Variants in KIAA0825 observed in about 807,000 individuals in gnomAD.
KIAA0825 encodes KIAA0825.
Under a neutral mutation model 147.6 loss-of-function variants are expected in KIAA0825, and 119 were observed. The observed-to-expected ratio is 0.81, with a 90% CI of 0.69 to 0.94. The LOEUF (loss-of-function observed/expected upper bound fraction) is 0.94. Among genes scored for constraint, KIAA0825 ranks in the 40% least tolerant of loss-of-function variants. The pLI is 0.00. For synonymous variants in KIAA0825, 470 were observed against 518.1 expected (o/e 0.91, Z 1.26); for missense variants, 1,381 against 1,472.7 (o/e 0.94, Z 1.02).
chr5:94,254,006 G>C (rs1307277006), intron 20 of KIAA0825, among the ~76,000 whole-genome samples: 2 of 152,138 alleles, frequency 1.3e-5, no homozygotes, highest in Non-Finnish European at 2.9e-5. Context: ...AGACGCGTAA[G>C]AGCCGTTCCT....
At chr5:94,473,218 C>A in intron 8 of KIAA0825, 74 bp downstream of exon 8, 1 of 1,197,980 alleles carries the variant, frequency 8.3e-7, no homozygotes, top group Non-Finnish European at 1.2e-6. Flanking sequence ...TCTACAGGTC[C>A]TTTTTGCAAT....
chr5:94,577,677 AGTT>A (rs1464532753), intron 2 of KIAA0825, among the ~76,000 whole-genome samples: 1 of 152,224 alleles, frequency 6.6e-6, no homozygotes, highest in African/African-American at 2.4e-5. Flanking sequence ...ATTTCTGAAA[AGTT>A]GTTAGGTGAG....
chr5:94,200,969 A>G (rs1562309720), intron 20 of KIAA0825, among the ~76,000 whole-genome samples: 1 of 144,200 alleles, frequency 6.9e-6, no homozygotes, highest in African/African-American at 2.5e-5. Context: ...ATATATATAT[A>G]TATATATATA....
At chr5:94,325,680 A>G (rs973060196) in intron 20 of KIAA0825, among the ~76,000 whole-genome samples, 7 of 151,972 alleles carry the variant, frequency 4.6e-5, no homozygotes, top group African/African-American at 1.7e-4. Context: ...CATACAATAG[A>G]GGAATTTTTG....
In KIAA0825 at chr5:94,152,852, A is replaced by ATT. The variant is rs1766638743; in HGVS notation, c.*1154_*1155insAA. Reference sequence around the variant, plus strand: ...AAAAAAAAAAAAAAAAAAAAAAAAAAAAATTATATATATATATATATATAT... The same window carrying ATT: ...AAAAAAAAAAAAAAAAAAAAAAAAAATTAAATTATATATATATATATATATAT... On this transcript the variant is annotated 3_prime_UTR_variant, in exon 21 of 21. Coordinates refer to ENST00000682413, the MANE Select transcript of KIAA0825 (RefSeq NM_001145678.3). 5.8e-4 allele frequency: 9 copies of ATT among 15,528 alleles called. 1 individual carries two copies. The highest frequency in any genetic ancestry group is 1.2e-3 in the Non-Finnish European group (9 of 7,806). 1.0% of individuals were successfully genotyped at this position (15,528 alleles called of 1,614,324 possible).
intron 20 of KIAA0825, among the ~76,000 whole-genome samples, chr5:94,173,692 G>A (rs779812304): frequency 3.3e-5 from 5 of 152,140 alleles, no homozygotes; most frequent in Non-Finnish European, 5.9e-5. Flanking sequence ...GGAGGAAAAC[G>A]AGGCTCCACC....
intron 20 of KIAA0825, among the ~76,000 whole-genome samples, chr5:94,172,516 C>T (rs1768717388): frequency 6.6e-6 from 1 of 152,182 alleles, no homozygotes; most frequent in Non-Finnish European, 1.5e-5. Context: ...TATTGATTCA[C>T]ACAGTTTTTG....
chr5:94,234,413 A>T (rs544957719), intron 20 of KIAA0825, among the ~76,000 whole-genome samples: 2 of 152,036 alleles, frequency 1.3e-5, no homozygotes, highest in South Asian at 2.1e-4. Flanking sequence ...AAATAAAAAA[A>T]AAATATGTAT....
At chr5:94,429,022 A>G (rs1476582693) in intron 14 of KIAA0825, among the ~76,000 whole-genome samples, 1 of 152,132 alleles carries the variant, frequency 6.6e-6, no homozygotes, top group Admixed American at 6.5e-5. Context: ...AATTCCTTAA[A>G]TGAGATTTTC....
At chr5:94,499,781 T>C (rs927322305) in intron 5 of KIAA0825, among the ~76,000 whole-genome samples, 2 of 152,212 alleles carry the variant, frequency 1.3e-5, no homozygotes, top group Non-Finnish European at 2.9e-5. Flanking sequence ...ACTCCTGTCA[T>C]ATATTAGGCA....
chr5:94,316,250 T>C (rs1370603980), intron 20 of KIAA0825, among the ~76,000 whole-genome samples: 1 of 151,746 alleles, frequency 6.6e-6, no homozygotes, highest in Non-Finnish European at 1.5e-5. Flanking sequence ...CTTTTACTAT[T>C]ACTTTAAATA....
intron 7 of KIAA0825, among the ~76,000 whole-genome samples, chr5:94,474,923 A>G (rs1761679853): frequency 6.6e-6 from 1 of 152,170 alleles, no homozygotes; most frequent in African/African-American, 2.4e-5. Context: ...CCCGGTCTCT[A>G]CTAAAAATAC....
chr5:94,430,260 A>G (rs1584471127), intron 14 of KIAA0825, among the ~76,000 whole-genome samples: 1 of 152,296 alleles, frequency 6.6e-6, no homozygotes, highest in East Asian at 1.9e-4. Flanking sequence ...CATGTTTACC[A>G]TTTTATTTGC....
chr5:94,593,959 C>T (rs981695930), intron 1 of KIAA0825: 1 of 460,992 alleles, frequency 2.2e-6, no homozygotes, highest in African/African-American at 2.0e-5. Flanking sequence ...CAAATAAATC[C>T]ATCCATTTAG....
chr5:94,334,189 C>A (rs192979779), intron 20 of KIAA0825, among the ~76,000 whole-genome samples: 1 of 152,236 alleles, frequency 6.6e-6, no homozygotes, highest in African/African-American at 2.4e-5. Flanking sequence ...TTTTTAACAT[C>A]AGGAATAAAA....
chr5:94,465,826 A>G (rs1760420988), intron 10 of KIAA0825, among the ~76,000 whole-genome samples: 2 of 152,224 alleles, frequency 1.3e-5, no homozygotes, highest in South Asian at 4.1e-4. Context: ...AGAATTAACA[A>G]TGGCCAAGGC....
intron 1 of KIAA0825, among the ~76,000 whole-genome samples, chr5:94,598,517 G>T (rs563241611): frequency 6.6e-6 from 1 of 152,228 alleles, no homozygotes; most frequent in East Asian, 1.9e-4. Context: ...CTGTTTTACA[G>T]TTAACAGTCT....
intron 20 of KIAA0825, among the ~76,000 whole-genome samples, chr5:94,274,848 G>A (rs1301057272): frequency 6.6e-6 from 1 of 152,086 alleles, no homozygotes; most frequent in Non-Finnish European, 1.5e-5. Flanking sequence ...AGAAACCGAG[G>A]CCTTAGATTG....
At chr5:94,571,293 C>T (rs1317439275) in intron 2 of KIAA0825, among the ~76,000 whole-genome samples, 1 of 152,126 alleles carries the variant, frequency 6.6e-6, no homozygotes, top group Admixed American at 6.5e-5. Flanking sequence ...ACAGAATGAA[C>T]TTTCAAATGG....
Sources: allele counts gnomAD v4.1 joint callset (sites outside exome capture counted in the v4.1 genomes callset), GRCh38; gene constraint gnomAD v4.1.1; transcripts MANE v1.5; gene names NCBI Gene and HGNC (gene_info 2026-07-23, HGNC 2026-07-21).